CMC1: variants seen among roughly 807,000 people sequenced by gnomAD.
CMC1 encodes COX assembly mitochondrial protein homolog.
In CMC1, 14 loss-of-function variants were observed where a neutral mutation model predicts 14.1. The observed-to-expected ratio is 0.99, with a 90% CI of 0.66 to 1.55. The LOEUF (loss-of-function observed/expected upper bound fraction) is 1.55, where lower values mean the gene tolerates loss of function less well. Among genes scored for constraint, CMC1 ranks in the 40% most tolerant of loss-of-function variants. The probability of loss-of-function intolerance (pLI) is 0.00; values close to 1 mark genes in which losing one functional copy is unlikely to be tolerated. For synonymous variants in CMC1, 50 were observed against 38.4 expected (o/e 1.30, Z -1.12); for missense variants, 127 against 123.8 (o/e 1.03, Z -0.12).
chr3:28,292,277 T>C (rs1701510426), intron 2 of CMC1, among the ~76,000 whole-genome samples: 1 of 152,038 alleles, frequency 6.6e-6, no homozygotes, highest in Admixed American at 6.6e-5. Flanking sequence ...GTTTATCTTA[T>C]AGAATATTGA....
intron 3 of CMC1, chr3:28,319,177 G>C (rs1559451089): frequency 4.5e-6 from 2 of 447,216 alleles, no homozygotes; most frequent in Non-Finnish European, 8.9e-6. Context: ...TTTCTTCCTT[G>C]TTTCCATGGT....
intron 2 of CMC1, among the ~76,000 whole-genome samples, chr3:28,265,334 C>T (rs939528351): frequency 6.6e-6 from 1 of 151,856 alleles, no homozygotes; most frequent in African/African-American, 2.4e-5. Flanking sequence ...ATTTTCTAAC[C>T]ATATAAATTA....
intron 1 of CMC1, among the ~76,000 whole-genome samples, chr3:28,242,170 GCA>G (rs1698562444): frequency 6.6e-6 from 1 of 152,158 alleles, no homozygotes; most frequent in African/African-American, 2.4e-5. Context: ...TTGTTCTGGC[GCA>G]CAGTTTTACA....
At chr3:28,278,442 T>C (rs1356971798) in intron 2 of CMC1, among the ~76,000 whole-genome samples, 1 of 152,164 alleles carries the variant, frequency 6.6e-6, no homozygotes, top group African/African-American at 2.4e-5. Context: ...TTTGTACAAT[T>C]GTGGTGGTTC....
intron 2 of CMC1, among the ~76,000 whole-genome samples, chr3:28,313,380 A>G (rs1328841891): frequency 6.6e-6 from 1 of 152,176 alleles, no homozygotes; most frequent in Non-Finnish European, 1.5e-5. Flanking sequence ...ACTGAATTGA[A>G]TGAAATTTGA....
At chr3:28,309,133 C>G (rs1310261187) in intron 2 of CMC1, among the ~76,000 whole-genome samples, 1 of 152,004 alleles carries the variant, frequency 6.6e-6, no homozygotes, top group Admixed American at 6.6e-5. Flanking sequence ...TCTTTTTCTC[C>G]TAGCGTTAAG....
rs967701890 is a variant in CMC1 at position 28,322,899 on chromosome 3, A to ATACTT, written c.*3273_*3277dup. 6.6e-6 allele frequency: 1 copy of ATACTT among 151,200 alleles called. No individual in the cohort carries two copies. Among genetic ancestry groups the ATACTT allele is most frequent in the Non-Finnish European group, 1.5e-5 (1 of 67,406 alleles). 9.4% of individuals were successfully genotyped at this position (151,200 alleles called of 1,614,324 possible). The stretch of plus-strand genomic sequence containing the variant: ...AAGGATAAAAGTCCTCCTACATGAA[A>ATACTT]TACTTTAATTCAGGCAAAAGGTGTA... On this transcript the variant is annotated 3_prime_UTR_variant, in exon 4 of 4. Coordinates refer to ENST00000466830, the MANE Select transcript of CMC1 (RefSeq NM_182523.2).
intron 2 of CMC1, among the ~76,000 whole-genome samples, chr3:28,310,691 GT>G (rs1202555200): frequency 6.6e-6 from 1 of 152,218 alleles, no homozygotes; most frequent in Admixed American, 6.5e-5. Context: ...AAATGGAAAT[GT>G]TTTTAAAGAT....
chr3:28,252,425 T>G (rs985872168), intron 1 of CMC1, among the ~76,000 whole-genome samples: 1 of 152,236 alleles, frequency 6.6e-6, no homozygotes, highest in Non-Finnish European at 1.5e-5. Flanking sequence ...AGATTGTTAG[T>G]GGCTGACCTA....
intron 2 of CMC1, among the ~76,000 whole-genome samples, chr3:28,292,575 T>C (rs972856045): frequency 5.3e-5 from 8 of 152,170 alleles, no homozygotes; most frequent in Non-Finnish European, 1.0e-4. Context: ...ATAGTCTCAT[T>C]CCCTTTCTTG....
intron 1 of CMC1, among the ~76,000 whole-genome samples, chr3:28,260,062 G>T (rs914555104): frequency 6.6e-6 from 1 of 151,992 alleles, no homozygotes; most frequent in Non-Finnish European, 1.5e-5. Context: ...TTTTGGCATC[G>T]ATATGATTAT....
At chr3:28,262,579 T>C (rs1162582833) in intron 1 of CMC1, among the ~76,000 whole-genome samples, 4 of 152,124 alleles carry the variant, frequency 2.6e-5, no homozygotes, top group Non-Finnish European at 5.9e-5. Flanking sequence ...TGCGTGTTTT[T>C]CCTGGATACT....
At chr3:28,309,976 C>G (rs1238328853) in intron 2 of CMC1, among the ~76,000 whole-genome samples, 2 of 148,930 alleles carry the variant, frequency 1.3e-5, no homozygotes, top group Non-Finnish European at 3.0e-5. Flanking sequence ...CACACACACA[C>G]ACACACACAC....
chr3:28,271,468 C>T (rs1382108588), intron 2 of CMC1, among the ~76,000 whole-genome samples: 1 of 152,126 alleles, frequency 6.6e-6, no homozygotes, highest in Non-Finnish European at 1.5e-5. Context: ...AATCCTTTCC[C>T]CATTGCTTGT....
At position 28,309,821 on chromosome 3, in the gene CMC1, C is replaced by CCACACACACACACACA. The variant is rs57499697; in HGVS notation, c.110-6487_110-6472dup. On this transcript the variant is annotated intron_variant, in intron 2 of 3. Coordinates refer to ENST00000466830, the MANE Select transcript of CMC1 (RefSeq NM_182523.2). ...CCTTTTCTCCTGCAGCTGATATTTA[C>CCACACACACACACACA]CACACACACACACACACACACACAC... 9.0e-4 allele frequency among the ~76,000 whole-genome samples: 119 copies of CCACACACACACACACA among 131,874 alleles called. 2 individuals carry two copies. Among genetic ancestry groups the CCACACACACACACACA allele is most frequent in the South Asian group, 3.8e-3 (15 of 3,932 alleles). The allele number at this position is 131,874 out of a possible 152,430, so 86.5% of individuals were successfully genotyped here. A position where few individuals can be genotyped will look rare whatever the true frequency, so the allele number is the denominator to read the frequency against.
intron 2 of CMC1, among the ~76,000 whole-genome samples, chr3:28,283,547 A>ACAC (rs36064587): frequency 3.6e-4 from 31 of 85,670 alleles, no homozygotes; most frequent in African/African-American, 1.1e-3. Flanking sequence ...AACAACAACA[A>ACAC]AAACAAAAAA....
chr3:28,314,531 T>C (rs1702793549), intron 2 of CMC1, among the ~76,000 whole-genome samples: 1 of 152,244 alleles, frequency 6.6e-6, no homozygotes, highest in Non-Finnish European at 1.5e-5. Flanking sequence ...ATGTTGGGAC[T>C]GCTGAGACTA....
chr3:28,268,101 A>G (rs1187872318), intron 2 of CMC1, among the ~76,000 whole-genome samples: 1 of 152,210 alleles, frequency 6.6e-6, no homozygotes, highest in East Asian at 1.9e-4. Context: ...TATATTATAC[A>G]GTCTAAGAAA....
intron 2 of CMC1, among the ~76,000 whole-genome samples, chr3:28,272,786 C>A (rs116790892): frequency 2.0e-5 from 3 of 152,008 alleles, no homozygotes; most frequent in Non-Finnish European, 2.9e-5. Context: ...CAGGTTCAAT[C>A]GATTATCCTT....
Sources: allele counts gnomAD v4.1 joint callset (sites outside exome capture counted in the v4.1 genomes callset), GRCh38; gene constraint gnomAD v4.1.1; transcripts MANE v1.5; gene names NCBI Gene and HGNC (gene_info 2026-07-23, HGNC 2026-07-21).